Variants in FRAS1 observed in about 807,000 individuals in gnomAD.
FRAS1 encodes extracellular matrix organizing protein FRAS1.
In FRAS1, 290 loss-of-function variants were observed where a neutral mutation model predicts 435.2. The observed-to-expected ratio is 0.67, with a 90% CI of 0.61 to 0.73. The LOEUF (loss-of-function observed/expected upper bound fraction) is 0.73. Ranked by LOEUF, FRAS1 falls within the 30% of genes least tolerant of loss-of-function variation. The pLI is 0.00. For synonymous variants in FRAS1, 1,800 were observed against 1,851.0 expected (o/e 0.97, Z 0.71); for missense variants, 4,860 against 5,001.5 (o/e 0.97, Z 0.85).
intron 23 of FRAS1, among the ~76,000 whole-genome samples, chr4:78,371,096 T>G (rs1323625507): frequency 5.3e-5 from 8 of 150,974 alleles, no homozygotes; most frequent in South Asian, 2.1e-4. Context: ...TTTTTGTTTT[T>G]TTTTTTTTTT....
At chr4:78,133,342 TA>T (rs1286966703) in intron 2 of FRAS1, among the ~76,000 whole-genome samples, 2 of 151,738 alleles carry the variant, frequency 1.3e-5, no homozygotes, top group African/African-American at 4.8e-5. Context: ...CTCATGGAGA[TA>T]GAAAGTAGAA....
At chr4:78,262,615 T>A (rs1226173020) in intron 6 of FRAS1, among the ~76,000 whole-genome samples, 1 of 152,164 alleles carries the variant, frequency 6.6e-6, no homozygotes, top group Non-Finnish European at 1.5e-5. Flanking sequence ...GGTTTTAATC[T>A]CTTTCTATAT....
At chr4:78,425,731 A>G (rs1733972888) in intron 35 of FRAS1, among the ~76,000 whole-genome samples, 1 of 152,198 alleles carries the variant, frequency 6.6e-6, no homozygotes, top group African/African-American at 2.4e-5. Flanking sequence ...AGATTTTTAT[A>G]TTTTATAAAA....
chr4:78,386,000 T>A (rs1732205425), intron 28 of FRAS1, among the ~76,000 whole-genome samples: 1 of 152,164 alleles, frequency 6.6e-6, no homozygotes. Flanking sequence ...TCAGAAACTT[T>A]GTTTCGTTCT....
chr4:78,500,045 T>G (rs1720629495), intron 61 of FRAS1, 124 bp downstream of exon 61: 1 of 696,218 alleles, frequency 1.4e-6, no homozygotes, highest in Non-Finnish European at 2.2e-6. Flanking sequence ...GCTAAAGCAT[T>G]TTTAAGCACA....
intron 20 of FRAS1, among the ~76,000 whole-genome samples, chr4:78,340,921 A>C (rs1287388220): frequency 6.6e-6 from 1 of 152,178 alleles, no homozygotes; most frequent in Non-Finnish European, 1.5e-5. Flanking sequence ...TTACCTCTTT[A>C]AAGGCCCTAT....
At chr4:78,195,041 A>C (rs1722739007) in intron 2 of FRAS1, among the ~76,000 whole-genome samples, 1 of 152,194 alleles carries the variant, frequency 6.6e-6, no homozygotes, top group Non-Finnish European at 1.5e-5. Flanking sequence ...GGTCCACTCC[A>C]GACCCTGTTT....
intron 20 of FRAS1, among the ~76,000 whole-genome samples, chr4:78,341,241 A>C (rs891701370): frequency 7.9e-5 from 12 of 152,202 alleles, no homozygotes; most frequent in Non-Finnish European, 1.5e-4. Context: ...AAAATGGGCC[A>C]AAGAGGATTA....
At chr4:78,511,053 T>A (rs1018520018) in intron 63 of FRAS1, among the ~76,000 whole-genome samples, 2 of 152,218 alleles carry the variant, frequency 1.3e-5, no homozygotes, top group Non-Finnish European at 2.9e-5. Flanking sequence ...TCTACTTGCT[T>A]GTTGACTATC....
At chr4:78,193,052 G>C (rs1327329745) in intron 2 of FRAS1, among the ~76,000 whole-genome samples, 1 of 152,172 alleles carries the variant, frequency 6.6e-6, no homozygotes, top group Admixed American at 6.5e-5. Flanking sequence ...TTCAGGAGCA[G>C]GTTATTTATT....
chr4:78,417,523 C>T (rs950472553), intron 32 of FRAS1, among the ~76,000 whole-genome samples: 4 of 152,112 alleles, frequency 2.6e-5, no homozygotes, highest in African/African-American at 9.7e-5. Context: ...AATTTGTTGT[C>T]CTTACTTGTT....
chr4:78,424,258 C>A (rs757208812), intron 34 of FRAS1, 130 bp from the exon 35 acceptor site: 10 of 468,038 alleles, frequency 2.1e-5, no homozygotes, highest in Non-Finnish European at 3.4e-5. Context: ...GGTGATCTTT[C>A]CTTAAAAAAG....
At chr4:78,059,508 GAA>G (rs71214393) in intron 1 of FRAS1, among the ~76,000 whole-genome samples, 37 of 131,126 alleles carry the variant, frequency 2.8e-4, no homozygotes, top group African/African-American at 3.6e-4. Context: ...GCGTACTTTG[GAA>G]AAAAAAAAAA....
Position 78,372,857 on chromosome 4 carries a change from G to A in FRAS1, c.3009G>A (p.Lys1003=), listed in dbSNP as rs1408069515. 10 of 1,612,122 alleles carry A rather than the reference G, an allele frequency of 6.2e-6. No individual in the cohort carries two copies. The highest frequency in any genetic ancestry group is 5.3e-5 in the African/African-American group (4 of 74,880). ...SSFYQDSGLC[K]NCDSYCLQCQ... The stretch of plus-strand genomic sequence containing the variant: ...TTTACCAGGACTCGGGCCTCTGCAA[G>A]AGTAAGTGTGTAGAGGCCCTGCTCT... The change falls in exon 24 of 74, where the codon AAG becomes AAA. Residue 1003 remains lysine, a splice_region_variant and synonymous_variant. Coordinates refer to ENST00000512123, the MANE Select transcript of FRAS1 (RefSeq NM_025074.7).
chr4:78,196,036 C>G (rs1036475789), intron 2 of FRAS1, among the ~76,000 whole-genome samples: 1 of 150,804 alleles, frequency 6.6e-6, no homozygotes, highest in Non-Finnish European at 1.5e-5. Context: ...GAGATGGAGT[C>G]TTGCTCTGTC....
intron 3 of FRAS1, among the ~76,000 whole-genome samples, chr4:78,241,432 T>A (rs987406758): frequency 6.6e-6 from 1 of 152,174 alleles, no homozygotes; most frequent in African/African-American, 2.4e-5. Context: ...TTTGTAATGA[T>A]CTCATAAGGG....
intron 2 of FRAS1, chr4:78,181,614 TTTC>T (rs1722006412): frequency 6.2e-7 from 1 of 1,610,664 alleles, no homozygotes; most frequent in Admixed American, 1.7e-5. Flanking sequence ...CCTTCACCCT[TTTC>T]TTCAAGTGGC....
intron 4 of FRAS1, among the ~76,000 whole-genome samples, chr4:78,248,029 G>A (rs570731750): frequency 6.6e-6 from 1 of 152,304 alleles, no homozygotes; most frequent in South Asian, 2.1e-4. Flanking sequence ...ATAAAACAGC[G>A]GAGCCTTGGG....
chr4:78,261,068 A>C (rs1726074811), intron 6 of FRAS1, among the ~76,000 whole-genome samples: 1 of 151,494 alleles, frequency 6.6e-6, no homozygotes, highest in South Asian at 2.1e-4. Flanking sequence ...TCTCTTTATA[A>C]ATCATGTTCT....
Sources: gnomAD v4.1 joint callset for allele counts (sites outside exome capture counted in the v4.1 genomes callset) on GRCh38, gnomAD v4.1.1 for gene constraint, MANE v1.5 for transcripts, NCBI Gene and HGNC (gene_info 2026-07-23, HGNC 2026-07-21) for gene names.